Variants in CCNY observed in about 807,000 individuals in gnomAD.
CCNY encodes cyclin-Y.
CCNY carries 19 observed loss-of-function variants against 42.8 expected under a neutral mutation model. The ratio of observed to expected loss-of-function variants is 0.44; its 90% CI spans 0.31 to 0.65. The LOEUF (loss-of-function observed/expected upper bound fraction) is 0.65. CCNY is among the 30% of genes least tolerant of loss of function. The pLI, the probability that CCNY is intolerant of heterozygous loss-of-function variation, is 0.07. For synonymous variants in CCNY, 165 were observed against 162.7 expected, an observed-to-expected ratio of 1.01 and a Z score of -0.11; for missense variants, 370 against 437.3, an observed-to-expected ratio of 0.85 and a Z score of 1.37.
Position 35,501,481 on chromosome 10 carries a change from T to C in CCNY, c.230-20T>C. 6.2e-7 allele frequency: 1 copy of C among 1,612,556 alleles called. No homozygotes were observed. Among genetic ancestry groups the C allele is most frequent in the East Asian group, 2.2e-5 (1 of 44,882 alleles). ...GCATGCAGGCATATAACATTTCTGTTGCATCTTTTGTTTTCACAGTGAGAG... is the reference window on the plus strand; with the variant it reads ...GCATGCAGGCATATAACATTTCTGTCGCATCTTTTGTTTTCACAGTGAGAG... On this transcript the variant is annotated intron_variant, in intron 2 of 9. Transcript: ENST00000374704.
At chr10:35,265,618 G>T (rs770043875) in intron 3 of CCNY, among the ~76,000 whole-genome samples, 6 of 152,248 alleles carry the variant, frequency 3.9e-5, no homozygotes, top group Non-Finnish European at 8.8e-5. Context: ...CACGCCAAGC[G>T]CCTGAAGGTG....
intron 1 of CCNY, among the ~76,000 whole-genome samples, chr10:35,353,710 T>C (rs926762808): frequency 2.0e-5 from 3 of 152,380 alleles, no homozygotes; most frequent in South Asian, 2.1e-4. Flanking sequence ...CCAGTTCTTA[T>C]AGCAAGGTAA....
At chr10:35,444,001 T>C (rs1290127784) in intron 1 of CCNY, among the ~76,000 whole-genome samples, 1 of 152,246 alleles carries the variant, frequency 6.6e-6, no homozygotes, top group Non-Finnish European at 1.5e-5. Flanking sequence ...CCTGTCTCTT[T>C]TGTGTGTGCT....
chr10:35,303,777 C>CA (rs755443366), intron 3 of CCNY, among the ~76,000 whole-genome samples: 7,028 of 47,698 alleles, frequency 0.15, 480 homozygotes, highest in African/African-American at 0.17. Flanking sequence ...AACTCCGTCT[C>CA]AAAAAAAAAA....
intron 1 of CCNY, 127 bp from the exon 2 acceptor site, chr10:35,483,277 A>G (rs2135367239): frequency 3.0e-6 from 2 of 656,658 alleles, no homozygotes; most frequent in East Asian, 5.8e-5. Flanking sequence ...TATTAACATA[A>G]TAGCTATAGG....
intron 7 of CCNY, among the ~76,000 whole-genome samples, chr10:35,545,609 A>G (rs997004241): frequency 1.3e-5 from 2 of 152,124 alleles, no homozygotes; most frequent in Non-Finnish European, 2.9e-5. Flanking sequence ...TTGTCTCCAA[A>G]TAAGGCCTTA....
At chr10:35,313,685 G>A (rs1168343281) in intron 3 of CCNY, among the ~76,000 whole-genome samples, 2 of 152,166 alleles carry the variant, frequency 1.3e-5, no homozygotes, top group Non-Finnish European at 2.9e-5. Flanking sequence ...AAGATTAAAA[G>A]TAAATGGCTG....
chr10:35,257,287 CTCTCTCTCTT>C (rs1401238977), intron 3 of CCNY, among the ~76,000 whole-genome samples: 4 of 122,450 alleles, frequency 3.3e-5, no homozygotes, highest in African/African-American at 1.2e-4. Context: ...TCCTTTCTTT[CTCTCTCTCTT>C]TCTCTCTCTT....
intron 7 of CCNY, among the ~76,000 whole-genome samples, chr10:35,542,121 A>G (rs1444313042): frequency 6.8e-6 from 1 of 147,364 alleles, no homozygotes; most frequent in Non-Finnish European, 1.5e-5. Context: ...ACCATATTGT[A>G]TCTAGTTGCC....
chr10:35,426,167 G>A (rs975875970), intron 1 of CCNY, among the ~76,000 whole-genome samples: 5 of 144,878 alleles, frequency 3.5e-5, no homozygotes, highest in East Asian at 2.0e-4. Flanking sequence ...ACAGATGTGC[G>A]TGTGCTCTCA....
intron 3 of CCNY, among the ~76,000 whole-genome samples, chr10:35,266,165 C>T (rs1344167959): frequency 6.6e-6 from 1 of 151,920 alleles, no homozygotes; most frequent in African/African-American, 2.4e-5. Flanking sequence ...ACAACCTCCA[C>T]CTCCCAGGTT....
intron 3 of CCNY, among the ~76,000 whole-genome samples, chr10:35,267,123 G>C (rs1229663155): frequency 6.6e-6 from 1 of 151,594 alleles, no homozygotes; most frequent in African/African-American, 2.4e-5. Context: ...GGTAATGAGG[G>C]CACATAGAAC....
intron 1 of CCNY, chr10:35,347,371 G>T: frequency 1.2e-6 from 1 of 816,034 alleles, no homozygotes; most frequent in Non-Finnish European, 1.5e-6. Context: ...TCCCAGTTGG[G>T]TGGTGAAATG....
At chr10:35,275,965 A>T (rs1835234725) in intron 3 of CCNY, among the ~76,000 whole-genome samples, 1 of 152,222 alleles carries the variant, frequency 6.6e-6, no homozygotes. Flanking sequence ...ATCCTCAAAA[A>T]GTTTAGGTAT....
intron 1 of CCNY, among the ~76,000 whole-genome samples, chr10:35,454,141 A>G (rs189414554): frequency 2.6e-5 from 4 of 152,284 alleles, no homozygotes; most frequent in East Asian, 1.9e-4. Flanking sequence ...GTACTCGTTC[A>G]TCCTGGCAGT....
intron 1 of CCNY, among the ~76,000 whole-genome samples, chr10:35,415,617 T>C (rs1469732184): frequency 2.0e-5 from 3 of 152,230 alleles, no homozygotes; most frequent in Non-Finnish European, 4.4e-5. Flanking sequence ...ACATGTTTGT[T>C]GCTCACATCT....
chr10:35,362,351 A>G (rs1252964307), intron 1 of CCNY, among the ~76,000 whole-genome samples: 1 of 152,180 alleles, frequency 6.6e-6, no homozygotes, highest in African/African-American at 2.4e-5. Context: ...GGAGAGAGAG[A>G]TTGAGTACTG....
At chr10:35,391,780 C>G in intron 1 of CCNY, among the ~76,000 whole-genome samples, 1 of 152,150 alleles carries the variant, frequency 6.6e-6, no homozygotes, top group South Asian at 2.1e-4. Context: ...ACATAACTGT[C>G]ACTTTGTGAT....
At chr10:35,549,317 G>T (rs1205467319) in intron 7 of CCNY, among the ~76,000 whole-genome samples, 1 of 152,166 alleles carries the variant, frequency 6.6e-6, no homozygotes, top group Non-Finnish European at 1.5e-5. Flanking sequence ...CTGCAGAGTA[G>T]CTGGTCAAGC....
Sources: gnomAD v4.1 joint callset for allele counts (sites outside exome capture counted in the v4.1 genomes callset) on GRCh38, gnomAD v4.1.1 for gene constraint, MANE v1.5 for transcripts, NCBI Gene and HGNC (gene_info 2026-07-23, HGNC 2026-07-21) for gene names.